The following PSG1 variants were observed in gnomAD, a reference collection of about 807,000 sequenced individuals.
The protein encoded by PSG1 is pregnancy-specific beta-1-glycoprotein 1.
PSG1 carries 60 observed loss-of-function variants against 41.4 expected under a neutral mutation model. The ratio of observed to expected loss-of-function variants is 1.45; its 90% CI spans 1.18 to 1.80. The LOEUF (loss-of-function observed/expected upper bound fraction) is 1.80, where lower values mean the gene tolerates loss of function less well. Ranked by LOEUF, PSG1 falls within the 40% of genes most tolerant of loss-of-function variation. PSG1 has a pLI of 0.00. For synonymous variants in PSG1, 256 were observed against 192.9 expected (o/e 1.33, Z -2.71); for missense variants, 806 against 516.9 (o/e 1.56, Z -5.42).
At position 42,876,267 on chromosome 19, in the gene PSG1, C is replaced by T. The variant is rs899657262; in HGVS notation, c.430+1646G>A. Among the ~76,000 whole-genome samples, 20 of 151,462 alleles carry T rather than the reference C, an allele frequency of 1.3e-4. 1 individual carries two copies. The highest frequency in any genetic ancestry group is 4.8e-4 in the African/African-American group (20 of 41,300). ...CCATGGCAGTGAGCAGTGAGGGAGA[C>T]ACTGTCTTCAGAAACTCCAGGGACC... On this transcript the variant is annotated intron_variant, in intron 2 of 5. Transcript: ENST00000436291.
At chr19:42,876,883 C>A (rs1023475711) in intron 2 of PSG1, 1 of 152,418 alleles carries the variant, frequency 6.6e-6, no homozygotes. Context: ...AGTAAGCCCT[C>A]ACTTCTGGTG....
intron 2 of PSG1, among the ~76,000 whole-genome samples, chr19:42,875,815 T>C (rs188534069): frequency 3.5e-4 from 49 of 138,906 alleles, no homozygotes; most frequent in African/African-American, 9.4e-4. Flanking sequence ...TTATTTTATT[T>C]ATTTATTTGT....
chr19:42,877,724 G>A (rs1403337186), intron 2 of PSG1, among the ~76,000 whole-genome samples, 189 bp downstream of exon 2: 1 of 151,710 alleles, frequency 6.6e-6, no homozygotes, highest in Non-Finnish European at 1.5e-5. Context: ...GGGTCTGGAT[G>A]CAGGAAAGGA....
rs1313593203 is a variant in PSG1 at position 42,872,180 on chromosome 19, T to A, written c.431-135A>T. ...AAAAGCCCATGGCAGGTGTGTGTGA[T>A]ACAAGACAGATGCATGGCAATCTGA... is the stretch of plus-strand genomic sequence containing the variant. On this transcript the variant is annotated intron_variant, in intron 2 of 5. Transcript: ENST00000436291. 1.8e-5 allele frequency: 23 copies of A among 1,308,262 alleles called. 1 individual carries two copies. The Admixed American group carries it at 4.9e-4, about 28-fold the overall frequency. The allele number at this position is 1,308,262 out of a possible 1,614,324, so 81.0% of individuals were successfully genotyped here. A position where few individuals can be genotyped will look rare whatever the true frequency, so the allele number is the denominator to read the frequency against.
intron 2 of PSG1, 46 bp downstream of exon 2, chr19:42,877,867 G>A (rs1360988650): frequency 3.7e-6 from 6 of 1,611,532 alleles, no homozygotes; most frequent in South Asian, 3.3e-5. Context: ...TGAAGTAGAA[G>A]TGACCCCTGT....
chr19:42,876,224 C>CAG (rs1263693347), intron 2 of PSG1, among the ~76,000 whole-genome samples: 1 of 151,332 alleles, frequency 6.6e-6, no homozygotes, highest in Non-Finnish European at 1.5e-5. Flanking sequence ...CACAGAGAAG[C>CAG]AGAGAGAGGC....
chr19:42,875,925 G>A (rs924991834), intron 2 of PSG1, among the ~76,000 whole-genome samples: 1 of 150,236 alleles, frequency 6.7e-6, no homozygotes, highest in African/African-American at 2.5e-5. Context: ...TTGTCCACAG[G>A]TCAGCCTCAC....
Position 42,866,805 on chromosome 19 carries a change from C to T in PSG1, c.*329G>A, listed in dbSNP as rs1179207751. 8.7e-6 allele frequency: 5 copies of T among 574,306 alleles called. No individual in the cohort carries two copies. Among genetic ancestry groups the T allele is most frequent in the East Asian group, 2.9e-5 (1 of 34,602 alleles). The allele number at this position is 574,306 out of a possible 1,614,324, so 35.6% of individuals were successfully genotyped here. On this transcript the variant is annotated 3_prime_UTR_variant, in exon 6 of 6. Coordinates refer to ENST00000436291, the MANE Select transcript of PSG1 (RefSeq NM_001184825.2). ...GTGAAATTCTAATGACTGCATTATC[C>T]TGCCAAGTGAAAGAGGCAGGCATGA...
At chr19:42,876,419 G>C (rs1485415436) in intron 2 of PSG1, among the ~76,000 whole-genome samples, 3 of 151,410 alleles carry the variant, frequency 2.0e-5, no homozygotes, top group Non-Finnish European at 4.4e-5. Context: ...ATGAAACATG[G>C]ATGTCAGCCT....
chr19:42,869,286 G>T, intron 3 of PSG1: 2 of 804,782 alleles, frequency 2.5e-6, no homozygotes, highest in South Asian at 2.2e-5. Context: ...GTCATGGACA[G>T]ACACGTCAGT....
intron 5 of PSG1, 33 bp from the exon 6 acceptor site, chr19:42,867,183 G>C (rs1423305331): frequency 7.8e-6 from 6 of 765,558 alleles, no homozygotes; most frequent in Non-Finnish European, 1.2e-5. Flanking sequence ...CAGAAACAAT[G>C]AACAGAGCTG....
intron 2 of PSG1, among the ~76,000 whole-genome samples, chr19:42,875,576 G>T (rs1971568624): frequency 2.0e-5 from 3 of 151,404 alleles, no homozygotes; most frequent in African/African-American, 2.4e-5. Flanking sequence ...CTACCTAGAG[G>T]CAGATTCAAG....
At chr19:42,875,006 T>A (rs1487363425) in intron 2 of PSG1, among the ~76,000 whole-genome samples, 2 of 151,700 alleles carry the variant, frequency 1.3e-5, no homozygotes, top group South Asian at 2.1e-4. Context: ...TGTGAGCTCC[T>A]TAGCAGGTTG....
chr19:42,875,838 T>TTG (rs986717273), intron 2 of PSG1, among the ~76,000 whole-genome samples: 2 of 149,442 alleles, frequency 1.3e-5, no homozygotes, highest in African/African-American at 4.9e-5. Flanking sequence ...TTTTTTTTTT[T>TTG]TGTGCAGGAG....
At position 42,875,014 on chromosome 19, in the gene PSG1, T is replaced by A. The variant is rs1193171505; in HGVS notation, c.430+2899A>T. ...TGGAGAATGTGAGCTCCTTAGCAGG[T>A]TGAGGCTGGAGTCACAGGTGAAATG... On this transcript the variant is annotated intron_variant, in intron 2 of 5. Transcript: ENST00000436291. Among the ~76,000 whole-genome samples, 11 of 151,816 alleles carry A rather than the reference T, an allele frequency of 7.2e-5. 2 individuals carry two copies. In the East Asian group the frequency reaches 2.1e-3, roughly 29 times the overall value.
intron 3 of PSG1, among the ~76,000 whole-genome samples, chr19:42,870,816 C>G (rs10401873): frequency 0.032 from 4,796 of 151,614 alleles, 315 homozygotes; most frequent in African/African-American, 0.11. Flanking sequence ...AATCATTTGA[C>G]TTTTTTGGTT....
intron 2 of PSG1, among the ~76,000 whole-genome samples, chr19:42,874,413 C>T (rs1971520063): frequency 6.6e-6 from 1 of 151,492 alleles, no homozygotes; most frequent in South Asian, 2.1e-4. Context: ...GTGGCATGAT[C>T]TCAGCTCACT....
At chr19:42,873,141 G>A (rs1971463422) in intron 2 of PSG1, among the ~76,000 whole-genome samples, 1 of 151,594 alleles carries the variant, frequency 6.6e-6, no homozygotes, top group African/African-American at 2.4e-5. Flanking sequence ...GCAGGAAGAG[G>A]AGGTTCTAGA....
At chr19:42,872,089 G>C (rs1280347955) in intron 2 of PSG1, 44 bp from the exon 3 acceptor site, 1 of 1,583,726 alleles carries the variant, frequency 6.3e-7, no homozygotes, top group East Asian at 2.2e-5. Context: ...TGGCGCCTTT[G>C]ATTCCTCCAA....
Sources: allele counts gnomAD v4.1 joint callset (sites outside exome capture counted in the v4.1 genomes callset), GRCh38; gene constraint gnomAD v4.1.1; transcripts MANE v1.5; gene names NCBI Gene and HGNC (gene_info 2026-07-23, HGNC 2026-07-21).